ZNF804B: variants seen among roughly 807,000 people sequenced by gnomAD.
ZNF804B encodes the protein zinc finger 804B.
Under a neutral mutation model 101.4 loss-of-function variants are expected in ZNF804B, and 80 were observed. That is an observed-to-expected ratio of 0.79 (90% CI 0.66 to 0.95). The LOEUF (loss-of-function observed/expected upper bound fraction) is 0.95. Among genes scored for constraint, ZNF804B ranks in the 40% least tolerant of loss-of-function variants. The pLI is 0.00. For synonymous variants in ZNF804B, 622 were observed against 558.8 expected, an observed-to-expected ratio of 1.11 and a Z score of -1.59; for missense variants, 1,673 against 1,561.9, an observed-to-expected ratio of 1.07 and a Z score of -1.20.
At chr7:89,100,692 G>A (rs1027185834) in intron 1 of ZNF804B, among the ~76,000 whole-genome samples, 2 of 151,806 alleles carry the variant, frequency 1.3e-5, no homozygotes, top group African/African-American at 2.4e-5. Flanking sequence ...CACACAAATG[G>A]CAAACACATT....
chr7:89,250,790 T>C (rs969297769), intron 2 of ZNF804B, among the ~76,000 whole-genome samples: 1 of 152,134 alleles, frequency 6.6e-6, no homozygotes, highest in African/African-American at 2.4e-5. Flanking sequence ...GTTCAACATA[T>C]GCAAATCAAT....
chr7:89,322,581 T>A lies in ZNF804B; in HGVS notation c.250-4763T>A, dbSNP rs149802035. The stretch of plus-strand genomic sequence containing the variant: ...ACAGATTGCCAATATCAGGTTTAAA[T>A]GAGGTAACATTGCATTAGATGCTTC... On this transcript the variant is annotated intron_variant, in intron 2 of 3. Coordinates refer to ENST00000333190, the MANE Select transcript of ZNF804B (RefSeq NM_181646.5). Among the ~76,000 whole-genome samples the A allele has an allele frequency of 4.6e-3, 696 of 152,150 alleles. 6 individuals carry two copies. The highest frequency in any genetic ancestry group is 0.016 in the African/African-American group (667 of 41,552).
intron 1 of ZNF804B, among the ~76,000 whole-genome samples, chr7:89,215,819 G>A (rs1453470860): frequency 3.3e-5 from 5 of 151,616 alleles, no homozygotes; most frequent in African/African-American, 1.2e-4. Context: ...GGGAGGTGGA[G>A]CTTACAGTCA....
At chr7:88,878,656 G>A (rs1483117743) in intron 1 of ZNF804B, among the ~76,000 whole-genome samples, 1 of 152,068 alleles carries the variant, frequency 6.6e-6, no homozygotes, top group African/African-American at 2.4e-5. Context: ...AATTGTACTT[G>A]AAATAATCAT....
intron 1 of ZNF804B, among the ~76,000 whole-genome samples, chr7:89,156,661 C>A (rs1790982139): frequency 6.6e-6 from 1 of 151,876 alleles, no homozygotes; most frequent in Non-Finnish European, 1.5e-5. Flanking sequence ...CAGAAACTGA[C>A]TATCTCTGGA....
Position 88,854,439 on chromosome 7 carries a change from C to CTTTCTTTCTTTCTTTCTT in ZNF804B, c.108+94357_108+94374dup, listed in dbSNP as rs1562812673. On this transcript the variant is annotated intron_variant, in intron 1 of 3. Transcript: ENST00000333190. ...CCTTTCTTTCTTTCTTTCTTTCTTT[C>CTTTCTTTCTTTCTTTCTT]TTTCTTTCTTTCTTTCTTTCTTTCT... Among the ~76,000 whole-genome samples the CTTTCTTTCTTTCTTTCTT allele has an allele frequency of 5.6e-5, 7 of 125,604 alleles. No individual in the cohort carries two copies. The Admixed American group carries it at 6.0e-4, about 11-fold the overall frequency. The allele number at this position is 125,604 out of a possible 152,430, so 82.4% of individuals were successfully genotyped here.
Position 89,202,825 on chromosome 7 carries a change from A to AGATTGT in ZNF804B, c.109-15328_109-15323dup, listed in dbSNP as rs201379254. On this transcript the variant is annotated intron_variant, in intron 1 of 3. Transcript: ENST00000333190. Reference sequence around the variant, plus strand: ...CTTTTCCTGGATTAATTTTCTTAAAAGATTGTGGAGATTGCTTCCAATTAC... The same window carrying AGATTGT: ...CTTTTCCTGGATTAATTTTCTTAAAAGATTGTGATTGTGGAGATTGCTTCCAATTAC... 6.8e-3 allele frequency among the ~76,000 whole-genome samples: 1,038 copies of AGATTGT among 152,228 alleles called. 16 individuals carry two copies. The highest frequency in any genetic ancestry group is 0.024 in the African/African-American group (1,001 of 41,560).
At chr7:89,208,099 T>TTTTTA (rs1788742609) in intron 1 of ZNF804B, among the ~76,000 whole-genome samples, 2 of 150,670 alleles carry the variant, frequency 1.3e-5, no homozygotes, top group African/African-American at 2.4e-5. Flanking sequence ...TTTTTTTTTT[T>TTTTTA]GAGACAGAGT....
At position 88,759,810 on chromosome 7, in the gene ZNF804B, C is replaced by G. The variant is rs1017047767; in HGVS notation, c.-167C>G. ...CAGCAGCTGTCGGCAGCAGGAGCCC[C>G]GCACGGGGCGCGGAGCAGGGACGCG... On this transcript the variant is annotated 5_prime_UTR_variant, in exon 1 of 4. Coordinates refer to ENST00000333190, the MANE Select transcript of ZNF804B (RefSeq NM_181646.5). The G allele has an allele frequency of 3.3e-6, 2 of 614,068 alleles. No homozygotes were observed. Among genetic ancestry groups the G allele is most frequent in the South Asian group, 1.9e-5 (1 of 52,656 alleles). 38.0% of individuals were successfully genotyped at this position (614,068 alleles called of 1,614,324 possible). A position where few individuals can be genotyped will look rare whatever the true frequency, so the allele number is the denominator to read the frequency against.
intron 1 of ZNF804B, among the ~76,000 whole-genome samples, chr7:89,083,230 A>G (rs1450731151): frequency 1.3e-5 from 2 of 151,826 alleles, no homozygotes; most frequent in Admixed American, 1.3e-4. Context: ...CTGTTATGGA[A>G]TCTATTTTTA....
intron 1 of ZNF804B, among the ~76,000 whole-genome samples, chr7:89,105,658 G>A (rs960405851): frequency 3.3e-5 from 5 of 152,038 alleles, no homozygotes; most frequent in Admixed American, 1.3e-4. Context: ...CCAAAGGTAC[G>A]GGGCTTTCGT....
chr7:89,079,578 A>G (rs534624561), intron 1 of ZNF804B, among the ~76,000 whole-genome samples: 1 of 152,176 alleles, frequency 6.6e-6, no homozygotes. Context: ...ATCTGCCTTT[A>G]TGAAGCTCAC....
rs13240400 is a variant in ZNF804B, at chr7:89,121,026, C to T, written c.109-97129C>T. ...CGACTTAGTCATCATAAAATGTGCT[C>T]CTTATTTCCATTTTGTAAGGATGAT... On this transcript the variant is annotated intron_variant, in intron 1 of 3. Transcript: ENST00000333190. 8.0e-3 allele frequency among the ~76,000 whole-genome samples: 1,217 copies of T among 152,238 alleles called. 3 individuals carry two copies. The highest frequency in any genetic ancestry group is 0.012 in the Non-Finnish European group (798 of 68,028).
chr7:89,082,517 AAGG>A (rs913883901), intron 1 of ZNF804B, among the ~76,000 whole-genome samples: 5 of 151,790 alleles, frequency 3.3e-5, no homozygotes, highest in Admixed American at 2.0e-4. Flanking sequence ...AAATTACACT[AAGG>A]AGTAGAAAAT....
chr7:88,992,908 G>A (rs1793866867), intron 1 of ZNF804B, among the ~76,000 whole-genome samples: 1 of 149,456 alleles, frequency 6.7e-6, no homozygotes, highest in Non-Finnish European at 1.5e-5. Flanking sequence ...TACCTGTGAG[G>A]AGATTATTCT....
chr7:88,788,643 A>G (rs1790337178), intron 1 of ZNF804B, among the ~76,000 whole-genome samples: 1 of 152,120 alleles, frequency 6.6e-6, no homozygotes, highest in South Asian at 2.1e-4. Context: ...CTTTTTTACC[A>G]TTGTATCTTC....
At chr7:89,186,752 T>C (rs1355906992) in intron 1 of ZNF804B, among the ~76,000 whole-genome samples, 1 of 152,196 alleles carries the variant, frequency 6.6e-6, no homozygotes, top group Non-Finnish European at 1.5e-5. Flanking sequence ...TAGTAATCTG[T>C]TCTTGATTTT....
rs758322999 is a variant in ZNF804B, at chr7:89,334,351, T to G, written c.1369T>G (p.Trp457Gly). ...CAAGGATGGCCACACCACTCTTCAA[T>G]GGCCTACGGAACTTCTGCTCTTTAC... The part of the protein sequence containing the change: ...QSKDGHTTLQ[W>G]PTELLLFTKT... The change falls in exon 4 of 4, where the codon TGG (tryptophan) becomes GGG (glycine). Residue 457 changes from tryptophan (W) to glycine (G), a missense_variant. Transcript: ENST00000333190. 29 of 1,613,756 alleles carry G rather than the reference T, an allele frequency of 1.8e-5. No homozygotes were observed. The highest frequency in any genetic ancestry group is 2.3e-5 in the Non-Finnish European group (27 of 1,179,870).
At chr7:89,283,717 A>G (rs1258159811) in intron 2 of ZNF804B, among the ~76,000 whole-genome samples, 1 of 151,964 alleles carries the variant, frequency 6.6e-6, no homozygotes, top group Non-Finnish European at 1.5e-5. Flanking sequence ...TTTTAATTTT[A>G]TTAACTAAAA....
Sources: allele counts gnomAD v4.1 joint callset (sites outside exome capture counted in the v4.1 genomes callset), GRCh38; gene constraint gnomAD v4.1.1; transcripts MANE v1.5; gene names NCBI Gene and HGNC (gene_info 2026-07-23, HGNC 2026-07-21).